Variants in NRG3 observed in about 807,000 individuals in gnomAD.
The protein encoded by NRG3 is neuregulin 3.
Under a neutral mutation model 66.9 loss-of-function variants are expected in NRG3, and 31 were observed. The ratio of observed to expected loss-of-function variants is 0.46; its 90% CI spans 0.35 to 0.63. The LOEUF (loss-of-function observed/expected upper bound fraction) is 0.63. Among genes scored for constraint, NRG3 ranks in the 20% least tolerant of loss-of-function variants. The probability of loss-of-function intolerance (pLI) is 0.00; values close to 1 mark genes in which losing one functional copy is unlikely to be tolerated. For missense variants in NRG3, 910 were observed against 878.9 expected (o/e 1.04, Z -0.45); for synonymous variants, 393 against 359.4 (o/e 1.09, Z -1.06).
chr10:82,791,007 G>A (rs1388983377), intron 3 of NRG3, among the ~76,000 whole-genome samples: 3 of 151,524 alleles, frequency 2.0e-5, no homozygotes, highest in African/African-American at 7.3e-5. Context: ...TAGATATGAA[G>A]TCCTGTAGTT....
intron 1 of NRG3, among the ~76,000 whole-genome samples, chr10:82,206,798 A>G (rs2075140811): frequency 6.6e-6 from 1 of 152,136 alleles, no homozygotes. Context: ...TCTCACTTTT[A>G]TCCCCAAAAT....
chr10:82,448,585 C>A (rs1390423268), intron 2 of NRG3, among the ~76,000 whole-genome samples: 2 of 152,128 alleles, frequency 1.3e-5, no homozygotes, highest in Non-Finnish European at 2.9e-5. Flanking sequence ...GTGTTCAAAA[C>A]ATCTAAATCT....
rs1414321439 is a variant in NRG3, at chr10:81,875,441, C to G, written c.101C>G (p.Ala34Gly). ...GCGGCGGCTGCGGCGGCGGCAGCGG[C>G]GGGCGGGGGCCCGGACGGCGGCGGC... ...GTAAAAAAAA[A>G]GGGPDGGGEG... Residue 34 changes from alanine (A) to glycine (G), a missense_variant, in exon 1 of 9, where the codon GCG becomes GGG. By Grantham distance (60) the Ala-to-Gly change is moderately conservative. Coordinates refer to ENST00000372141, the MANE Select transcript of NRG3 (RefSeq NM_001010848.4). This position sits in a 1 kb window ranked among gnomAD's most constrained non-coding sequence, Gnocchi z 5.3. 8.5e-7 allele frequency: 1 copy of G among 1,181,130 alleles called. No homozygotes were observed. Among genetic ancestry groups the G allele is most frequent in the Non-Finnish European group, 1.0e-6 (1 of 956,832 alleles). The allele number at this position is 1,181,130 out of a possible 1,614,324, so 73.2% of individuals were successfully genotyped here.
intron 1 of NRG3, among the ~76,000 whole-genome samples, chr10:82,033,741 C>G (rs1006006138): frequency 1.3e-5 from 2 of 152,014 alleles, no homozygotes; most frequent in Admixed American, 1.3e-4. Context: ...TGAGCATGGT[C>G]CCTTTAACTC....
chr10:81,913,714 G>A (rs954325499), intron 1 of NRG3, among the ~76,000 whole-genome samples: 6 of 152,030 alleles, frequency 3.9e-5, no homozygotes, highest in Non-Finnish European at 7.4e-5. Context: ...ATGAGCCACC[G>A]CTCCCAGCCA....
chr10:82,535,488 T>G (rs1847725516), intron 2 of NRG3, among the ~76,000 whole-genome samples: 1 of 152,048 alleles, frequency 6.6e-6, no homozygotes. Context: ...AATTTTCTAT[T>G]TTGAGATATA....
At chr10:82,663,488 T>C (rs1038675710) in intron 2 of NRG3, among the ~76,000 whole-genome samples, 8 of 152,096 alleles carry the variant, frequency 5.3e-5, no homozygotes, top group African/African-American at 1.9e-4. Context: ...TAAGCACATA[T>C]CCAAACCTAA....
intron 2 of NRG3, among the ~76,000 whole-genome samples, chr10:82,363,274 G>C (rs2084303982): frequency 6.6e-6 from 1 of 152,106 alleles, no homozygotes; most frequent in African/African-American, 2.4e-5. Flanking sequence ...TGCAAATTAG[G>C]TGTTTTTTTC....
chr10:82,546,520 T>G (rs1489130104), intron 2 of NRG3, among the ~76,000 whole-genome samples: 1 of 152,172 alleles, frequency 6.6e-6, no homozygotes, highest in East Asian at 1.9e-4. Flanking sequence ...GTCTATGATA[T>G]ATGTTCAGTA....
intron 1 of NRG3, among the ~76,000 whole-genome samples, chr10:82,194,879 C>A (rs533766838): frequency 6.6e-6 from 1 of 152,294 alleles, no homozygotes; most frequent in East Asian, 1.9e-4. Context: ...TCTTTTTCCA[C>A]AGAACCCTCT....
At chr10:82,831,528 A>C (rs1220237863) in intron 3 of NRG3, among the ~76,000 whole-genome samples, 1 of 152,166 alleles carries the variant, frequency 6.6e-6, no homozygotes, top group Non-Finnish European at 1.5e-5. Context: ...TTAATGATGA[A>C]GTCTTGGCTG....
intron 1 of NRG3, among the ~76,000 whole-genome samples, chr10:81,945,222 C>G (rs1848743423): frequency 6.6e-6 from 1 of 152,002 alleles, no homozygotes; most frequent in Non-Finnish European, 1.5e-5. Flanking sequence ...CCTAGAAGGT[C>G]TGGATCGTAT....
At chr10:82,143,653 G>A (rs1420887350) in intron 1 of NRG3, among the ~76,000 whole-genome samples, 2 of 152,176 alleles carry the variant, frequency 1.3e-5, no homozygotes, top group African/African-American at 4.8e-5. Context: ...TAGTCCTGGG[G>A]CCTTCATTTA....
At chr10:82,159,349 T>G (rs547450233) in intron 1 of NRG3, among the ~76,000 whole-genome samples, 8 of 151,864 alleles carry the variant, frequency 5.3e-5, no homozygotes, top group Non-Finnish European at 8.8e-5. Flanking sequence ...TCCAAATATC[T>G]CTAACTGCTT....
At chr10:82,814,919 A>G (rs1306968055) in intron 3 of NRG3, among the ~76,000 whole-genome samples, 3 of 152,120 alleles carry the variant, frequency 2.0e-5, no homozygotes, top group Admixed American at 1.3e-4. Flanking sequence ...CATTTTACAG[A>G]GAAGGAAAGT....
intron 1 of NRG3, among the ~76,000 whole-genome samples, chr10:81,894,174 C>T (rs1843293411): frequency 6.6e-6 from 1 of 151,980 alleles, no homozygotes. Context: ...AATCCCGTCT[C>T]CACTAAAAAT....
intron 1 of NRG3, among the ~76,000 whole-genome samples, chr10:82,073,703 C>T (rs565270819): frequency 2.0e-5 from 3 of 151,966 alleles, no homozygotes; most frequent in South Asian, 2.1e-4. Flanking sequence ...ATATATTTGT[C>T]CTCATTTTTT....
At chr10:82,907,423 TCTC>T (rs1778541594) in intron 4 of NRG3, among the ~76,000 whole-genome samples, 2 of 152,210 alleles carry the variant, frequency 1.3e-5, no homozygotes, top group Admixed American at 1.3e-4. Context: ...TCTATTGTAG[TCTC>T]CTCCTTTCTC....
At chr10:82,181,713 G>GA in intron 1 of NRG3, among the ~76,000 whole-genome samples, 1 of 151,942 alleles carries the variant, frequency 6.6e-6, no homozygotes, top group East Asian at 1.9e-4. Flanking sequence ...GTGTATACCT[G>GA]AGAAGAAAGT....
Sources: gnomAD v4.1 joint callset for allele counts (sites outside exome capture counted in the v4.1 genomes callset) on GRCh38, gnomAD v4.1.1 for gene constraint, Gnocchi (gnomAD v3.1) non-coding constraint, MANE v1.5 for transcripts, NCBI Gene and HGNC (gene_info 2026-07-23, HGNC 2026-07-21) for gene names.